Variants in TBC1D5 observed in about 807,000 individuals in gnomAD.
TBC1D5 encodes TBC1 domain family member 5.
Under a neutral mutation model 100.3 loss-of-function variants are expected in TBC1D5, and 75 were observed. The ratio of observed to expected loss-of-function variants is 0.75; its 90% CI spans 0.62 to 0.91. The LOEUF is 0.91. Among genes scored for constraint, TBC1D5 ranks in the 40% least tolerant of loss-of-function variants. The probability of loss-of-function intolerance (pLI) is 0.00; values close to 1 mark genes in which losing one functional copy is unlikely to be tolerated. For synonymous variants in TBC1D5, 323 were observed against 325.6 expected, an observed-to-expected ratio of 0.99 and a Z score of 0.09; for missense variants, 910 against 942.4, an observed-to-expected ratio of 0.97 and a Z score of 0.45.
chr3:17,495,630 C>A (rs1246134050), intron 3 of TBC1D5, among the ~76,000 whole-genome samples: 1 of 152,180 alleles, frequency 6.6e-6, no homozygotes, highest in Non-Finnish European at 1.5e-5. Flanking sequence ...ACAGAGTAGG[C>A]CAGATAGAAG....
chr3:17,522,678 ACT>A (rs975541383), intron 2 of TBC1D5, among the ~76,000 whole-genome samples: 1 of 152,112 alleles, frequency 6.6e-6, no homozygotes, highest in African/African-American at 2.4e-5. Flanking sequence ...CCCTATCCCA[ACT>A]CCCAGGGAAT....
chr3:17,690,773 G>A (rs1212768655), intron 1 of TBC1D5, among the ~76,000 whole-genome samples: 1 of 152,086 alleles, frequency 6.6e-6, no homozygotes, highest in South Asian at 2.1e-4. Flanking sequence ...AGTTTCATCC[G>A]AAAACCATAT....
intron 1 of TBC1D5, among the ~76,000 whole-genome samples, chr3:17,705,616 C>T (rs2074027855): frequency 1.6e-5 from 2 of 127,086 alleles, no homozygotes; most frequent in East Asian, 2.7e-4. Context: ...GATGGGGCGG[C>T]GGGGCAGAGG....
At chr3:17,729,016 TAAAAAAAAAAAA>T (rs34461809) in intron 1 of TBC1D5, among the ~76,000 whole-genome samples, 2 of 29,604 alleles carry the variant, frequency 6.8e-5, no homozygotes, top group Non-Finnish European at 1.4e-4. Context: ...TGAAAATCAG[TAAAAAAAAAAAA>T]AAAAAAAAAA....
chr3:17,223,707 A>G (rs1249968255), intron 17 of TBC1D5, among the ~76,000 whole-genome samples: 1 of 152,154 alleles, frequency 6.6e-6, no homozygotes, highest in Admixed American at 6.6e-5. Context: ...CAAAAAATAT[A>G]TAAATTAGCT....
chr3:17,596,221 A>G (rs1408567124), intron 2 of TBC1D5, among the ~76,000 whole-genome samples: 1 of 152,164 alleles, frequency 6.6e-6, no homozygotes, highest in East Asian at 1.9e-4. Context: ...GCATATTAAC[A>G]ATCACTTGAG....
chr3:17,563,475 A>C (rs752941877), intron 2 of TBC1D5, among the ~76,000 whole-genome samples: 20 of 152,354 alleles, frequency 1.3e-4, no homozygotes, highest in Middle Eastern at 3.4e-3. Flanking sequence ...ATATCATAGA[A>C]GCAAAGGCAA....
At chr3:17,337,250 G>C (rs1314715052) in intron 13 of TBC1D5, 2 of 150,952 alleles carry the variant, frequency 1.3e-5, no homozygotes, top group Non-Finnish European at 2.9e-5. Flanking sequence ...AAAATTGCTG[G>C]TCCAGGGACC....
At chr3:17,443,427 A>C (rs1275155740) in intron 3 of TBC1D5, among the ~76,000 whole-genome samples, 1 of 152,222 alleles carries the variant, frequency 6.6e-6, no homozygotes, top group African/African-American at 2.4e-5. Flanking sequence ...GCCAATCACT[A>C]ATCAATGTTA....
At chr3:17,689,749 G>A (rs1483688314) in intron 1 of TBC1D5, among the ~76,000 whole-genome samples, 2 of 152,112 alleles carry the variant, frequency 1.3e-5, no homozygotes, top group East Asian at 1.9e-4. Flanking sequence ...GCCCCCAGGG[G>A]ACATTTGGCA....
At chr3:17,691,978 CA>C in intron 1 of TBC1D5, among the ~76,000 whole-genome samples, 1 of 150,822 alleles carries the variant, frequency 6.6e-6, no homozygotes, top group East Asian at 1.9e-4. Context: ...ACAAAAAAGA[CA>C]TGGCAAAATT....
intron 13 of TBC1D5, among the ~76,000 whole-genome samples, chr3:17,322,046 A>G (rs2085477924): frequency 6.6e-6 from 1 of 152,086 alleles, no homozygotes; most frequent in Admixed American, 6.6e-5. Flanking sequence ...TTCTCCTTAT[A>G]TTTCTCATAG....
chr3:17,513,491 T>G (rs2095940826), intron 2 of TBC1D5, among the ~76,000 whole-genome samples: 1 of 152,214 alleles, frequency 6.6e-6, no homozygotes, highest in Non-Finnish European at 1.5e-5. Context: ...TTATTCTGTC[T>G]GAATACAAAA....
chr3:17,226,731 C>T (rs1559447838), intron 17 of TBC1D5, among the ~76,000 whole-genome samples: 1 of 152,168 alleles, frequency 6.6e-6, no homozygotes, highest in Admixed American at 6.5e-5. Context: ...TTTCACTCCC[C>T]AGGTACTGAT....
intron 2 of TBC1D5, among the ~76,000 whole-genome samples, chr3:17,569,257 T>C (rs1328649437): frequency 2.0e-5 from 3 of 151,886 alleles, no homozygotes; most frequent in Admixed American, 1.3e-4. Flanking sequence ...TTAAGCATCA[T>C]GGTTCTTTTC....
rs9841681 is a variant in TBC1D5, at chr3:17,491,072, T to C, written c.97+17402A>G. ...AGATATTTTATTATCTTGTTAGCAA[T>C]TGTGAATGGGAGTTCATTCATGATT... On this transcript the variant is annotated intron_variant, in intron 3 of 21. Coordinates refer to ENST00000253692, the Ensembl canonical transcript of TBC1D5. 9.5e-4 allele frequency among the ~76,000 whole-genome samples: 144 copies of C among 152,350 alleles called. 1 individual carries two copies. The highest frequency in any genetic ancestry group is 3.3e-3 in the African/African-American group (137 of 41,588).
chr3:17,198,223 G>A (rs1057219221), intron 18 of TBC1D5, among the ~76,000 whole-genome samples: 1 of 152,168 alleles, frequency 6.6e-6, no homozygotes, highest in East Asian at 1.9e-4. Flanking sequence ...GGCTAGGGCT[G>A]GTGTTCCCTG....
intron 2 of TBC1D5, among the ~76,000 whole-genome samples, chr3:17,587,140 A>G (rs1217632498): frequency 6.6e-6 from 1 of 152,108 alleles, no homozygotes; most frequent in East Asian, 1.9e-4. Context: ...ATTTTTTTTC[A>G]TCTTTAGTAA....
chr3:17,300,183 G>A (rs764953993), intron 14 of TBC1D5, among the ~76,000 whole-genome samples: 9 of 152,126 alleles, frequency 5.9e-5, no homozygotes, highest in Non-Finnish European at 4.4e-5. Context: ...ATAAATATCT[G>A]ATATAATCAT....
Sources: gnomAD v4.1 joint callset for allele counts (sites outside exome capture counted in the v4.1 genomes callset) on GRCh38, gnomAD v4.1.1 for gene constraint, MANE v1.5 for transcripts, NCBI Gene and HGNC (gene_info 2026-07-23, HGNC 2026-07-21) for gene names.